ERC2: variants seen among roughly 807,000 people sequenced by gnomAD.
ERC2 encodes ERC protein 2.
A neutral mutation model predicts 114.8 loss-of-function variants in ERC2; 42 were observed. The ratio of observed to expected loss-of-function variants is 0.37; its 90% CI spans 0.29 to 0.47. The LOEUF is 0.47. ERC2 is among the 20% of genes least tolerant of loss of function. ERC2 has a pLI of 0.99. For synonymous variants in ERC2, 454 were observed against 425.5 expected (o/e 1.07, Z -0.82); for missense variants, 939 against 1,150.7 (o/e 0.82, Z 2.66).
intron 6 of ERC2, among the ~76,000 whole-genome samples, chr3:56,083,399 C>G (rs28621075): frequency 0.18 from 26,800 of 152,048 alleles, 2,519 homozygotes; most frequent in African/African-American, 0.23. Flanking sequence ...GGGGTGGAAG[C>G]TGGGAAGGGC....
chr3:55,772,728 A>G lies in ERC2; in HGVS notation c.2565-37810T>C, dbSNP rs536888983. On this transcript the variant is annotated intron_variant, in intron 14 of 17. Transcript: ENST00000288221. Reference sequence around the variant, plus strand: ...GAGCCCAGCATGCTGGAATTGTCAAATTTGCCAAGATGAAGAGGGTCCCTT... The same window carrying G: ...GAGCCCAGCATGCTGGAATTGTCAAGTTTGCCAAGATGAAGAGGGTCCCTT... 7.2e-5 allele frequency among the ~76,000 whole-genome samples: 11 copies of G among 152,222 alleles called. No individual in the cohort carries two copies. In the South Asian group the frequency reaches 2.3e-3, roughly 32 times the overall value.
In ERC2 at chr3:56,139,694, A is replaced by G; in HGVS notation, c.1306-18T>C. ...TGATCAATCTGCAAAACAACAACAA[A>G]ATTGCAAGAAATTAGAAATTGCTGC... On this transcript the variant is annotated intron_variant, in intron 5 of 17. Coordinates refer to ENST00000288221, the MANE Select transcript of ERC2 (RefSeq NM_015576.3). 1 of 1,571,956 alleles carries G rather than the reference A, an allele frequency of 6.4e-7. No homozygotes were observed. Among genetic ancestry groups the G allele is most frequent in the Non-Finnish European group, 8.6e-7 (1 of 1,157,296 alleles).
intron 8 of ERC2, among the ~76,000 whole-genome samples, chr3:56,017,130 G>A (rs551936604): frequency 8.5e-5 from 13 of 152,244 alleles, no homozygotes; most frequent in Middle Eastern, 3.4e-3. Context: ...TAAAAACTGC[G>A]CCAGCACTTC....
chr3:56,083,759 G>C (rs1011023796), intron 6 of ERC2, among the ~76,000 whole-genome samples: 1 of 152,002 alleles, frequency 6.6e-6, no homozygotes, highest in African/African-American at 2.4e-5. Context: ...TGAGGTATTG[G>C]GGTGATGGAA....
At chr3:55,768,080 G>A (rs1320039170) in intron 14 of ERC2, among the ~76,000 whole-genome samples, 3 of 152,184 alleles carry the variant, frequency 2.0e-5, no homozygotes, top group Non-Finnish European at 2.9e-5. Context: ...CATGTAAGAT[G>A]TGCCTACTTC....
intron 17 of ERC2, among the ~76,000 whole-genome samples, chr3:55,613,569 G>A (rs936015539): frequency 4.6e-5 from 7 of 152,196 alleles, no homozygotes. Flanking sequence ...AAGGGTGCAA[G>A]AGCCTGGGCA....
At chr3:56,258,132 C>T (rs2052646590) in intron 3 of ERC2, among the ~76,000 whole-genome samples, 1 of 152,172 alleles carries the variant, frequency 6.6e-6, no homozygotes, top group Admixed American at 6.5e-5. Flanking sequence ...CCTGCTGGGT[C>T]TCACCTCACA....
chr3:55,666,370 C>G (rs1459576155), intron 17 of ERC2, among the ~76,000 whole-genome samples: 2 of 152,200 alleles, frequency 1.3e-5, no homozygotes, highest in African/African-American at 4.8e-5. Context: ...TCGTAACACA[C>G]ACATGGACAT....
chr3:55,759,303 ATTC>A (rs975896293), intron 14 of ERC2, among the ~76,000 whole-genome samples: 30 of 152,204 alleles, frequency 2.0e-4, no homozygotes, highest in African/African-American at 6.7e-4. Context: ...AGCTTTCTAG[ATTC>A]TTCGCAAATA....
intron 7 of ERC2, among the ~76,000 whole-genome samples, chr3:56,064,488 G>A (rs571744488): frequency 2.2e-4 from 34 of 152,192 alleles, no homozygotes; most frequent in Non-Finnish European, 4.4e-4. Context: ...GTCAATGAGT[G>A]CTATTCATTC....
intron 14 of ERC2, among the ~76,000 whole-genome samples, chr3:55,798,942 A>G (rs922773768): frequency 5.9e-5 from 9 of 152,204 alleles, no homozygotes; most frequent in Non-Finnish European, 1.3e-4. Flanking sequence ...TTAACTATAC[A>G]TTTTTAAAAA....
intron 2 of ERC2, among the ~76,000 whole-genome samples, chr3:56,393,956 A>T (rs1046624457): frequency 2.0e-5 from 3 of 151,994 alleles, no homozygotes; most frequent in Admixed American, 1.3e-4. Context: ...AAAAAAAAAA[A>T]GGAATTCTCT....
intron 3 of ERC2, among the ~76,000 whole-genome samples, chr3:56,272,968 C>T (rs1427333379): frequency 6.6e-6 from 1 of 152,192 alleles, no homozygotes; most frequent in African/African-American, 2.4e-5. Context: ...AACTCGTCCT[C>T]ATCTCTGTAA....
intron 13 of ERC2, among the ~76,000 whole-genome samples, chr3:55,904,798 T>C (rs191752286): frequency 6.6e-6 from 1 of 152,350 alleles, no homozygotes; most frequent in East Asian, 1.9e-4. Flanking sequence ...GCTGGCCTCG[T>C]GGCATCTTCT....
chr3:56,005,488 A>C (rs1462899782), intron 10 of ERC2, among the ~76,000 whole-genome samples: 1 of 152,084 alleles, frequency 6.6e-6, no homozygotes, highest in East Asian at 1.9e-4. Flanking sequence ...ATTACACGAA[A>C]AGTATAAGCA....
At chr3:55,971,301 T>C (rs975566325) in intron 12 of ERC2, among the ~76,000 whole-genome samples, 3 of 152,086 alleles carry the variant, frequency 2.0e-5, no homozygotes, top group African/African-American at 7.2e-5. Context: ...ATACCAACAA[T>C]CACTTAATTA....
intron 7 of ERC2, among the ~76,000 whole-genome samples, chr3:56,073,387 T>C (rs553908484): frequency 1.8e-4 from 27 of 152,302 alleles, no homozygotes; most frequent in African/African-American, 6.3e-4. Context: ...GAATAGACCC[T>C]ACCCATGAGA....
chr3:55,619,905 G>C (rs959792578), intron 17 of ERC2, among the ~76,000 whole-genome samples: 3 of 152,170 alleles, frequency 2.0e-5, no homozygotes, highest in Non-Finnish European at 2.9e-5. Flanking sequence ...TTCATCTCTT[G>C]AGTTCAAAGA....
chr3:55,901,081 C>A (rs141728586), intron 13 of ERC2, among the ~76,000 whole-genome samples: 247 of 152,248 alleles, frequency 1.6e-3, no homozygotes, highest in African/African-American at 5.7e-3. Context: ...CAAGAAAATC[C>A]CTGGCTCATT....
Sources: allele counts gnomAD v4.1 joint callset (sites outside exome capture counted in the v4.1 genomes callset), GRCh38; gene constraint gnomAD v4.1.1; transcripts MANE v1.5; gene names NCBI Gene and HGNC (gene_info 2026-07-23, HGNC 2026-07-21).